KLHL1: variants seen among roughly 807,000 people sequenced by gnomAD.
KLHL1 encodes the protein kelch-like protein 1.
A neutral mutation model predicts 77.7 loss-of-function variants in KLHL1; 47 were observed. That is an observed-to-expected ratio of 0.60 (90% CI 0.48 to 0.77). The LOEUF is 0.77. Ranked by LOEUF, KLHL1 falls within the 30% of genes least tolerant of loss-of-function variation. KLHL1 has a pLI of 0.00. For missense variants in KLHL1, 925 were observed against 910.8 expected (o/e 1.02, Z -0.20); for synonymous variants, 360 against 325.2 (o/e 1.11, Z -1.15).
intron 1 of KLHL1, among the ~76,000 whole-genome samples, chr13:70,022,363 T>A (rs1347055524): frequency 2.6e-5 from 4 of 151,834 alleles, no homozygotes; most frequent in Non-Finnish European, 5.9e-5. Context: ...ATATGTTTTC[T>A]TTTTGTCACA....
chr13:69,783,602 G>A (rs1293698755), intron 7 of KLHL1, among the ~76,000 whole-genome samples: 1 of 151,250 alleles, frequency 6.6e-6, no homozygotes, highest in African/African-American at 2.4e-5. Flanking sequence ...TGAATAAAAT[G>A]AAGCCAGAAG....
intron 5 of KLHL1, among the ~76,000 whole-genome samples, chr13:69,851,907 T>A (rs1879705489): frequency 1.3e-5 from 2 of 151,908 alleles, no homozygotes; most frequent in Admixed American, 1.3e-4. Context: ...TAATAGTTTG[T>A]AGAAATAACT....
At chr13:69,950,048 A>G (rs1447055889) in intron 3 of KLHL1, among the ~76,000 whole-genome samples, 1 of 151,626 alleles carries the variant, frequency 6.6e-6, no homozygotes, top group Non-Finnish European at 1.5e-5. Context: ...TAATCTGTAA[A>G]CCATGTCATA....
intron 5 of KLHL1, among the ~76,000 whole-genome samples, chr13:69,849,697 A>C (rs1879609557): frequency 7.0e-6 from 1 of 142,836 alleles, no homozygotes; most frequent in Non-Finnish European, 1.5e-5. Context: ...AGGCTTAAAA[A>C]TATGCTAAAT....
intron 4 of KLHL1, among the ~76,000 whole-genome samples, chr13:69,921,885 G>A (rs532162109): frequency 2.3e-4 from 34 of 149,792 alleles, no homozygotes; most frequent in Non-Finnish European, 4.4e-4. Flanking sequence ...GGATAAGGGA[G>A]TACTTAGGGA....
intron 1 of KLHL1, among the ~76,000 whole-genome samples, chr13:70,089,203 A>G (rs992865648): frequency 1.3e-5 from 2 of 152,102 alleles, no homozygotes; most frequent in Non-Finnish European, 1.5e-5. Context: ...CATCTTATCT[A>G]TTCTCATCTT....
chr13:69,863,723 C>CA (rs1351693754), intron 5 of KLHL1, among the ~76,000 whole-genome samples: 1 of 151,972 alleles, frequency 6.6e-6, no homozygotes, highest in East Asian at 1.9e-4. Context: ...TTGGATGATG[C>CA]AAAAAACAGA....
intron 3 of KLHL1, among the ~76,000 whole-genome samples, chr13:69,941,172 C>T (rs996836114): frequency 6.6e-6 from 1 of 151,988 alleles, no homozygotes; most frequent in Non-Finnish European, 1.5e-5. Flanking sequence ...TTCTTTTCAT[C>T]AGCACAGGGA....
intron 1 of KLHL1, among the ~76,000 whole-genome samples, chr13:70,066,786 T>C (rs1887017464): frequency 6.6e-6 from 1 of 152,212 alleles, no homozygotes; most frequent in Admixed American, 6.5e-5. Flanking sequence ...TAGATTTTTA[T>C]TTGTAACCAC....
chr13:69,865,339 G>C (rs768005749), intron 5 of KLHL1, among the ~76,000 whole-genome samples: 20 of 152,062 alleles, frequency 1.3e-4, no homozygotes, highest in Non-Finnish European at 2.2e-4. Context: ...CTTGTCATGT[G>C]CTAAACTAGA....
intron 4 of KLHL1, among the ~76,000 whole-genome samples, chr13:69,922,819 T>C (rs558929359): frequency 2.6e-4 from 40 of 152,186 alleles, no homozygotes; most frequent in Non-Finnish European, 4.7e-4. Flanking sequence ...CGTAGAACTG[T>C]AGTTAAAAAG....
Position 69,914,842 on chromosome 13 carries a change from C to T in KLHL1, c.1014+25198G>A, listed in dbSNP as rs1042112195. On this transcript the variant is annotated intron_variant, in intron 4 of 10. Transcript: ENST00000377844. ...AATTCTTAATCTAAAATCTATCAAG[C>T]TGGCAGCAAAATAGATAAAAGATGT... 3.3e-5 allele frequency among the ~76,000 whole-genome samples: 5 copies of T among 152,208 alleles called. No homozygotes were observed. The South Asian group carries it at 1.0e-3, about 32-fold the overall frequency.
intron 1 of KLHL1, among the ~76,000 whole-genome samples, chr13:69,983,414 T>G (rs572340509): frequency 6.6e-6 from 1 of 151,856 alleles, no homozygotes; most frequent in South Asian, 2.1e-4. Context: ...AGTAAAAAAG[T>G]AAACTAGCTG....
At chr13:70,051,651 G>T (rs1054836393) in intron 1 of KLHL1, among the ~76,000 whole-genome samples, 1 of 152,034 alleles carries the variant, frequency 6.6e-6, no homozygotes, top group Admixed American at 6.6e-5. Flanking sequence ...ATGTTCAAAC[G>T]TAAGTTTATG....
intron 1 of KLHL1, among the ~76,000 whole-genome samples, chr13:70,013,189 C>A (rs1885578924): frequency 6.6e-6 from 1 of 151,902 alleles, no homozygotes. Context: ...TATAAACAAG[C>A]AAAGAATCAC....
At chr13:70,018,777 T>C (rs1022705305) in intron 1 of KLHL1, among the ~76,000 whole-genome samples, 1 of 152,202 alleles carries the variant, frequency 6.6e-6, no homozygotes, top group Non-Finnish European at 1.5e-5. Flanking sequence ...AGTATACAGT[T>C]AGAAGTTGAA....
intron 5 of KLHL1, among the ~76,000 whole-genome samples, chr13:69,857,595 C>T (rs1184566936): frequency 6.6e-6 from 1 of 151,990 alleles, no homozygotes; most frequent in Non-Finnish European, 1.5e-5. Context: ...TTTAAGTTTC[C>T]TATTCATTTG....
intron 1 of KLHL1, among the ~76,000 whole-genome samples, chr13:70,058,841 T>C (rs1593710132): frequency 1.3e-5 from 2 of 152,128 alleles, no homozygotes; most frequent in Non-Finnish European, 1.5e-5. Context: ...CAAGACAATA[T>C]AGTACTGTCA....
intron 4 of KLHL1, among the ~76,000 whole-genome samples, chr13:69,908,663 C>A (rs1882124676): frequency 6.6e-6 from 1 of 150,864 alleles, no homozygotes; most frequent in South Asian, 2.1e-4. Flanking sequence ...CAATTATTGA[C>A]CAAAAATAAT....
Sources: gnomAD v4.1 joint callset for allele counts (sites outside exome capture counted in the v4.1 genomes callset) on GRCh38, gnomAD v4.1.1 for gene constraint, MANE v1.5 for transcripts, NCBI Gene and HGNC (gene_info 2026-07-23, HGNC 2026-07-21) for gene names.